HDAC9: variants seen among roughly 807,000 people sequenced by gnomAD.
HDAC9 encodes the protein MEF-2 interacting transcription repressor (MITR) protein.
Under a neutral mutation model 139.4 loss-of-function variants are expected in HDAC9, and 41 were observed. The observed-to-expected ratio is 0.29, with a 90% CI of 0.23 to 0.38. The LOEUF (loss-of-function observed/expected upper bound fraction) is 0.38. Ranked by LOEUF, HDAC9 falls within the 10% of genes least tolerant of loss-of-function variation. The pLI is 1.00. For missense variants in HDAC9, 1,147 were observed against 1,297.0 expected (o/e 0.88, Z 1.78); for synonymous variants, 517 against 476.2 (o/e 1.09, Z -1.12).
intron 1 of HDAC9, among the ~76,000 whole-genome samples, chr7:18,104,215 G>A (rs968951958): frequency 6.6e-6 from 1 of 151,582 alleles, no homozygotes; most frequent in Non-Finnish European, 1.5e-5. Context: ...CATTATTTGA[G>A]AACCTGCTGT....
At chr7:18,613,109 T>C (rs1041172654) in intron 6 of HDAC9, among the ~76,000 whole-genome samples, 5 of 148,054 alleles carry the variant, frequency 3.4e-5, no homozygotes, top group Non-Finnish European at 7.4e-5. Context: ...TATATAAATA[T>C]ATATAAGTAT....
intron 2 of HDAC9, among the ~76,000 whole-genome samples, chr7:18,584,348 T>G (rs974397392): frequency 1.3e-5 from 2 of 152,108 alleles, no homozygotes; most frequent in East Asian, 3.9e-4. Context: ...CAGGATGGTC[T>G]CGATCTCCTG....
intron 1 of HDAC9, among the ~76,000 whole-genome samples, chr7:18,126,254 T>C (rs1353303113): frequency 6.6e-6 from 1 of 152,220 alleles, no homozygotes; most frequent in African/African-American, 2.4e-5. Flanking sequence ...TTGTAAAAGA[T>C]CCTTGAGGAA....
intron 6 of HDAC9, among the ~76,000 whole-genome samples, chr7:18,610,926 G>T (rs1359012107): frequency 6.6e-6 from 1 of 152,046 alleles, no homozygotes; most frequent in East Asian, 1.9e-4. Context: ...GTTTTATTTT[G>T]GGGGCCTCAA....
intron 3 of HDAC9, among the ~76,000 whole-genome samples, chr7:18,589,967 T>C (rs3807907): frequency 0.39 from 59,053 of 152,058 alleles, 12,905 homozygotes; most frequent in East Asian, 0.53. Flanking sequence ...TCATTTATAA[T>C]GTGAGGGACT....
At chr7:18,581,801 A>G (rs572603768) in intron 2 of HDAC9, among the ~76,000 whole-genome samples, 8 of 152,218 alleles carry the variant, frequency 5.3e-5, no homozygotes, top group Admixed American at 1.3e-4. Flanking sequence ...GGGTGCTACA[A>G]TTAAGAGATC....
At chr7:18,238,981 T>C (rs1185155235) in intron 2 of HDAC9, among the ~76,000 whole-genome samples, 2 of 152,216 alleles carry the variant, frequency 1.3e-5, no homozygotes, top group Non-Finnish European at 2.9e-5. Flanking sequence ...GTTTTCCCCA[T>C]AATTTTTTAA....
intron 2 of HDAC9, among the ~76,000 whole-genome samples, chr7:18,583,264 T>C (rs951084734): frequency 3.9e-4 from 59 of 152,316 alleles, no homozygotes; most frequent in African/African-American, 1.4e-3. Flanking sequence ...TTACTGTTAC[T>C]ATCTCCAAGT....
At chr7:18,593,731 A>G (rs1429870477) in intron 5 of HDAC9, among the ~76,000 whole-genome samples, 177 bp from the exon 6 acceptor site, 1 of 152,152 alleles carries the variant, frequency 6.6e-6, no homozygotes, top group Non-Finnish European at 1.5e-5. Context: ...TCCCTGCATC[A>G]TTCCATAGCA....
At chr7:18,956,646 A>C (rs1783169261) in intron 24 of HDAC9, among the ~76,000 whole-genome samples, 1 of 152,136 alleles carries the variant, frequency 6.6e-6, no homozygotes, top group African/African-American at 2.4e-5. Context: ...TGCACTCTTC[A>C]CATCTACTCA....
chr7:18,904,427 TC>T (rs1802012730), intron 22 of HDAC9, among the ~76,000 whole-genome samples: 1 of 152,070 alleles, frequency 6.6e-6, no homozygotes, highest in Non-Finnish European at 1.5e-5. Flanking sequence ...AAAGTTAAAA[TC>T]TATATGGAAA....
intron 2 of HDAC9, among the ~76,000 whole-genome samples, chr7:18,171,442 T>C (rs1562704102): frequency 6.6e-6 from 1 of 152,224 alleles, no homozygotes; most frequent in Non-Finnish European, 1.5e-5. Context: ...TTTATTTCTT[T>C]CTCTTGCCTG....
intron 17 of HDAC9, among the ~76,000 whole-genome samples, chr7:18,808,751 ATTTCAATGACAT>A (rs994888219): frequency 2.6e-5 from 4 of 152,188 alleles, no homozygotes; most frequent in African/African-American, 9.6e-5. Context: ...TCCTATCAAA[ATTTCAATGACAT>A]TTTTCACAGA....
chr7:18,314,985 G>A (rs151033934), intron 1 of HDAC9, among the ~76,000 whole-genome samples: 6 of 152,210 alleles, frequency 3.9e-5, no homozygotes, highest in East Asian at 3.9e-4. Flanking sequence ...TCAATGGTTC[G>A]CAGCAACGTG....
chr7:18,407,183 A>G (rs1186510224), intron 1 of HDAC9, among the ~76,000 whole-genome samples: 1 of 152,002 alleles, frequency 6.6e-6, no homozygotes, highest in Non-Finnish European at 1.5e-5. Flanking sequence ...TCTGTTGGAG[A>G]GGATTCCACT....
intron 3 of HDAC9, 102 bp downstream of exon 3, chr7:18,585,624 T>A: frequency 7.2e-7 from 1 of 1,380,200 alleles, no homozygotes; most frequent in Middle Eastern, 2.4e-4. Context: ...TCACTGTGAT[T>A]AAGACATGGA....
intron 24 of HDAC9, among the ~76,000 whole-genome samples, chr7:18,955,715 C>T (rs1783101122): frequency 1.3e-5 from 2 of 152,088 alleles, no homozygotes; most frequent in South Asian, 4.1e-4. Context: ...ACAGAGTACA[C>T]TGAGGTCATA....
rs1353930487 is a variant in HDAC9 at position 18,976,547 on chromosome 7, G to T, written c.3170+594G>T. On this transcript the variant is annotated intron_variant, in intron 25 of 25. Coordinates refer to ENST00000686413, the MANE Select transcript of HDAC9 (RefSeq NM_178425.4). ...TTTTATTTCATTTTGGGATAGGACA[G>T]AATTGGTTTTAATGTATCTTCTTAT... 2.0e-5 allele frequency among the ~76,000 whole-genome samples: 3 copies of T among 152,160 alleles called. No individual in the cohort carries two copies. In the East Asian group the frequency reaches 5.8e-4, roughly 29 times the overall value.
At chr7:18,436,087 G>T (rs1485873619) in intron 1 of HDAC9, among the ~76,000 whole-genome samples, 2 of 151,594 alleles carry the variant, frequency 1.3e-5, no homozygotes, top group African/African-American at 4.8e-5. Flanking sequence ...CAAAGTACTG[G>T]GATTACAGGC....
Sources: gnomAD v4.1 joint callset for allele counts (sites outside exome capture counted in the v4.1 genomes callset) on GRCh38, gnomAD v4.1.1 for gene constraint, MANE v1.5 for transcripts, NCBI Gene and HGNC (gene_info 2026-07-23, HGNC 2026-07-21) for gene names.